The following ADGRA3 variants were observed in gnomAD, a reference collection of about 807,000 sequenced individuals.
ADGRA3 encodes adhesion G protein-coupled receptor A3, also known as G-protein coupled receptor 125.
In ADGRA3, 56 loss-of-function variants were observed where a neutral mutation model predicts 119.8. The ratio of observed to expected loss-of-function variants is 0.47; its 90% confidence interval spans 0.38 to 0.58. The LOEUF (loss-of-function observed/expected upper bound fraction) is 0.58. Among genes scored for constraint, ADGRA3 ranks in the 20% least tolerant of loss-of-function variants. The pLI is 0.00. For missense variants in ADGRA3, 1,516 were observed against 1,649.0 expected (o/e 0.92, Z 1.40); for synonymous variants, 607 against 623.8 (o/e 0.97, Z 0.40).
At chr4:22,395,938 C>T (rs1330035127) in intron 16 of ADGRA3, among the ~76,000 whole-genome samples, 2 of 152,128 alleles carry the variant, frequency 1.3e-5, no homozygotes, top group Non-Finnish European at 2.9e-5. Flanking sequence ...CTCTAAATAA[C>T]AGATCTCAAG....
At chr4:22,514,472 T>C (rs990661931) in intron 1 of ADGRA3, 1 of 152,236 alleles carries the variant, frequency 6.6e-6, no homozygotes, top group African/African-American at 2.4e-5. Flanking sequence ...TACCTGTGTA[T>C]ACTCCTGCTG....
chr4:22,514,712 C>T (rs1333003354), intron 1 of ADGRA3: 2 of 152,186 alleles, frequency 1.3e-5, no homozygotes, highest in Non-Finnish European at 2.9e-5. Flanking sequence ...AAAACAAACT[C>T]GACAGTCACT....
At chr4:22,450,370 A>T (rs1716990008) in intron 4 of ADGRA3, among the ~76,000 whole-genome samples, 1 of 151,350 alleles carries the variant, frequency 6.6e-6, no homozygotes, top group Non-Finnish European at 1.5e-5. Flanking sequence ...GGTTCAAGTG[A>T]TTCTCATGCC....
In ADGRA3 at chr4:22,442,809, A is replaced by C. The variant is rs1463183942; in HGVS notation, c.761T>G (p.Val254Gly). 1 of 1,613,450 alleles carries C rather than the reference A, an allele frequency of 6.2e-7. No individual in the cohort carries two copies. The highest frequency in any genetic ancestry group is 8.5e-7 in the Non-Finnish European group (1 of 1,179,508). ...GAAAGGAAGGCTGTCTCCTTCAAACACAACTTGGCGATGAGATGGAGTCAT... is the reference window on the plus strand; with the variant it reads ...GAAAGGAAGGCTGTCTCCTTCAAACCCAACTTGGCGATGAGATGGAGTCAT... ...FYMTPSHRQV[V>G]FEGDSLPFQC... Residue 254 changes from valine (V) to glycine (G), a missense_variant, in exon 7 of 19, where the codon GTG becomes GGG. By Grantham distance (109) the Val-to-Gly change is moderately radical (BLOSUM62 -3). Around this residue, in one of 2 missense-constraint regions of ADGRA3, gnomAD observed 428 missense variants for 541.9 expected, o/e 0.79. Coordinates refer to ENST00000334304, the MANE Select transcript of ADGRA3 (RefSeq NM_145290.4).
chr4:22,455,004 G>C, intron 3 of ADGRA3, 67 bp from the exon 4 acceptor site: 1 of 1,108,722 alleles, frequency 9.0e-7, no homozygotes, highest in South Asian at 1.2e-5. Flanking sequence ...CATGCATTCA[G>C]TATTCAAGAA....
At chr4:22,510,009 C>CAAAAAAA (rs545010218) in intron 1 of ADGRA3, among the ~76,000 whole-genome samples, 2 of 98,908 alleles carry the variant, frequency 2.0e-5, no homozygotes, top group African/African-American at 4.1e-5. Context: ...GACTCCGTCT[C>CAAAAAAA]AAAAAAAAAA....
intron 2 of ADGRA3, among the ~76,000 whole-genome samples, chr4:22,471,571 C>A (rs2109117891): frequency 6.6e-6 from 1 of 152,312 alleles, no homozygotes; most frequent in East Asian, 1.9e-4. Context: ...GCCCCCGCCA[C>A]ACACTGTCAG....
At chr4:22,439,843 G>C (rs1463000) in intron 7 of ADGRA3, among the ~76,000 whole-genome samples, 2 of 151,980 alleles carry the variant, frequency 1.3e-5, no homozygotes, top group Non-Finnish European at 2.9e-5. Context: ...TAGTAACTTT[G>C]TCATGGTGCC....
At chr4:22,481,252 A>G (rs1357043032) in intron 1 of ADGRA3, among the ~76,000 whole-genome samples, 1 of 152,188 alleles carries the variant, frequency 6.6e-6, no homozygotes, top group East Asian at 1.9e-4. Flanking sequence ...TACACATCCT[A>G]AAGTTTTAGA....
intron 10 of ADGRA3, among the ~76,000 whole-genome samples, chr4:22,432,772 C>T (rs567168887): frequency 3.0e-4 from 46 of 152,284 alleles, no homozygotes; most frequent in Admixed American, 2.6e-3. Context: ...AGTTTGAGAG[C>T]TTTTAATGCC....
At chr4:22,462,642 A>T (rs2109103587) in intron 2 of ADGRA3, among the ~76,000 whole-genome samples, 1 of 152,340 alleles carries the variant, frequency 6.6e-6, no homozygotes, top group Admixed American at 6.5e-5. Context: ...TGAGGTGAGG[A>T]TATAAAATAA....
At chr4:22,421,237 G>T in intron 11 of ADGRA3, 148 bp from the exon 12 acceptor site, 1 of 501,140 alleles carries the variant, frequency 2.0e-6, no homozygotes, top group Non-Finnish European at 3.4e-6. Context: ...GTAGATAACT[G>T]GCAGAATAAA....
Position 22,387,561 on chromosome 4 carries a change from A to G in ADGRA3, c.*144T>C, listed in dbSNP as rs1433778602. ...AAATAGCAACAATTTGGGGATAAAA[A>G]TAAGTAAAATCCAAAACTTCAAAGT... On this transcript the variant is annotated 3_prime_UTR_variant, in exon 19 of 19. Coordinates refer to ENST00000334304, the MANE Select transcript of ADGRA3 (RefSeq NM_145290.4). The G allele has an allele frequency of 5.4e-6, 4 of 736,430 alleles. No homozygotes were observed. In the East Asian group the frequency reaches 8.2e-5, roughly 15 times the overall value. The allele number at this position is 736,430 out of a possible 1,614,324, so 45.6% of individuals were successfully genotyped here.
chr4:22,515,084 T>C (rs1014360578), intron 1 of ADGRA3, among the ~76,000 whole-genome samples: 6 of 152,228 alleles, frequency 3.9e-5, no homozygotes, highest in African/African-American at 1.4e-4. Flanking sequence ...ACAGTCCTTG[T>C]GTTTTGCAAA....
rs766590666 is a variant in ADGRA3 at position 22,392,710 on chromosome 4, A to G, written c.2482-20T>C. On this transcript the variant is annotated intron_variant, in intron 16 of 18. Transcript: ENST00000334304. ...CCCAACCTACAAGGAAGATCAAAGAATAAATAAAAGAAAAAAAATGTTCCT... is the reference window on the plus strand; with the variant it reads ...CCCAACCTACAAGGAAGATCAAAGAGTAAATAAAAGAAAAAAAATGTTCCT... 1.9e-5 allele frequency: 31 copies of G among 1,590,694 alleles called. No individual in the cohort carries two copies. Among genetic ancestry groups the G allele is most frequent in the Non-Finnish European group, 2.5e-5 (29 of 1,172,262 alleles).
At chr4:22,423,764 C>T (rs948025342) in intron 11 of ADGRA3, among the ~76,000 whole-genome samples, 2 of 152,114 alleles carry the variant, frequency 1.3e-5, no homozygotes, top group African/African-American at 4.8e-5. Context: ...CTTCAGGGCC[C>T]AGAACAGAGT....
At chr4:22,508,485 C>A (rs903000015) in intron 1 of ADGRA3, among the ~76,000 whole-genome samples, 2 of 152,170 alleles carry the variant, frequency 1.3e-5, no homozygotes, top group African/African-American at 4.8e-5. Context: ...CTGCCTCAAC[C>A]GATGTCCATG....
At chr4:22,450,258 T>A (rs1047641167) in intron 4 of ADGRA3, among the ~76,000 whole-genome samples, 4 of 150,118 alleles carry the variant, frequency 2.7e-5, no homozygotes, top group Non-Finnish European at 5.9e-5. Context: ...ACCCCCATCC[T>A]TTATGCTTCT....
chr4:22,436,359 A>C, intron 9 of ADGRA3, 81 bp downstream of exon 9: 1 of 1,138,644 alleles, frequency 8.8e-7, no homozygotes, highest in Non-Finnish European at 1.3e-6. Context: ...TAGTATTAAA[A>C]AAAAAAAAAA....
Sources: gnomAD v4.1 joint callset for allele counts (sites outside exome capture counted in the v4.1 genomes callset) on GRCh38, gnomAD v4.1.1 for gene constraint, gnomAD v4.1.1 regional missense constraint, MANE v1.5 for transcripts, NCBI Gene and HGNC (gene_info 2026-07-23, HGNC 2026-07-21) for gene names.